SUSD4: variants seen among roughly 807,000 people sequenced by gnomAD.
SUSD4 encodes sushi domain containing 4.
SUSD4 carries 41 observed loss-of-function variants against 50.5 expected under a neutral mutation model. The ratio of observed to expected loss-of-function variants is 0.81; its 90% CI spans 0.63 to 1.05. The LOEUF is 1.05. Ranked by LOEUF, SUSD4 falls within the 50% of genes least tolerant of loss-of-function variation. The pLI, the probability that SUSD4 is intolerant of heterozygous loss-of-function variation, is 0.00. For synonymous variants in SUSD4, 257 were observed against 257.3 expected (o/e 1.00, Z 0.01); for missense variants, 580 against 634.7 (o/e 0.91, Z 0.93).
At chr1:223,298,541 C>A (rs1273799793) in intron 2 of SUSD4, among the ~76,000 whole-genome samples, 1 of 152,196 alleles carries the variant, frequency 6.6e-6, no homozygotes, top group Non-Finnish European at 1.5e-5. Flanking sequence ...CCCCAGCACA[C>A]ACTTTTTGGC....
intron 2 of SUSD4, among the ~76,000 whole-genome samples, chr1:223,347,084 G>A (rs1412729795): frequency 6.6e-6 from 1 of 151,688 alleles, no homozygotes; most frequent in Non-Finnish European, 1.5e-5. Flanking sequence ...ATTTTTGTGG[G>A]TACATAGCAG....
intron 2 of SUSD4, among the ~76,000 whole-genome samples, chr1:223,317,834 CTTTT>C (rs1235672082): frequency 5.0e-5 from 4 of 80,162 alleles, no homozygotes; most frequent in Non-Finnish European, 9.4e-5. Flanking sequence ...GCTTGCCCTT[CTTTT>C]TTTTTTTTTT....
chr1:223,235,653 T>C (rs1660172361), intron 5 of SUSD4, among the ~76,000 whole-genome samples: 1 of 152,038 alleles, frequency 6.6e-6, no homozygotes, highest in Non-Finnish European at 1.5e-5. Flanking sequence ...CATTTAGTAA[T>C]ATGCATTTGA....
At chr1:223,302,481 A>G (rs191517810) in intron 2 of SUSD4, among the ~76,000 whole-genome samples, 2 of 152,284 alleles carry the variant, frequency 1.3e-5, no homozygotes, top group African/African-American at 4.8e-5. Flanking sequence ...ACCAATGTCC[A>G]TCCTGACATT....
rs983930376 is a variant in SUSD4 at position 223,292,520 on chromosome 1, C to A, written c.280G>T (p.Ala94Ser). The change falls in exon 3 of 9, where the codon GCT becomes TCT. Residue 94 changes from alanine (A) to serine (S), a missense_variant. By Grantham distance (99) the Ala-to-Ser change is moderately conservative. Transcript: ENST00000366878. ...TGCTTCAAACACAGTCTCTTTGTAG[C>A]GCCCTTCAGCTTGAATCCGTCTTGG... Reference protein sequence around the residue: ...HCQDGFKLKGATKRLCLKHFN... With the variant: ...HCQDGFKLKGSTKRLCLKHFN... 2.5e-6 allele frequency: 4 copies of A among 1,614,142 alleles called. No homozygotes were observed. Among genetic ancestry groups the A allele is most frequent in the Non-Finnish European group, 3.4e-6 (4 of 1,180,000 alleles).
intron 2 of SUSD4, among the ~76,000 whole-genome samples, chr1:223,348,645 C>T (rs1366322559): frequency 6.6e-6 from 1 of 152,174 alleles, no homozygotes; most frequent in Admixed American, 6.5e-5. Flanking sequence ...CAGCACTGCC[C>T]ACTTTTTCTC....
At chr1:223,291,271 T>C (rs1664470307) in intron 3 of SUSD4, among the ~76,000 whole-genome samples, 1 of 151,924 alleles carries the variant, frequency 6.6e-6, no homozygotes, top group African/African-American at 2.4e-5. Context: ...GGCAGGTGGA[T>C]TGCATGAGCT....
chr1:223,246,675 A>T (rs2103033195), intron 5 of SUSD4, among the ~76,000 whole-genome samples: 1 of 152,178 alleles, frequency 6.6e-6, no homozygotes, highest in Admixed American at 6.5e-5. Context: ...GCCTCAGCAG[A>T]TCGGTGGCCA....
intron 2 of SUSD4, among the ~76,000 whole-genome samples, chr1:223,360,843 C>T (rs546404652): frequency 2.6e-5 from 4 of 152,322 alleles, no homozygotes; most frequent in Admixed American, 6.5e-5. Context: ...TGATTTTCAG[C>T]TCTGTGTATC....
intron 5 of SUSD4, among the ~76,000 whole-genome samples, chr1:223,246,878 C>G (rs1273803061): frequency 1.3e-5 from 2 of 152,124 alleles, no homozygotes; most frequent in Admixed American, 1.3e-4. Flanking sequence ...CAGTGTGTGC[C>G]TTGCAACTAT....
At chr1:223,326,040 C>G (rs1010468369) in intron 2 of SUSD4, among the ~76,000 whole-genome samples, 10 of 151,868 alleles carry the variant, frequency 6.6e-5, no homozygotes, top group African/African-American at 2.4e-4. Flanking sequence ...CATATGGTAC[C>G]AAAAAAGAGC....
At chr1:223,292,363 T>A in intron 3 of SUSD4, 76 bp downstream of exon 3, 1 of 1,525,886 alleles carries the variant, frequency 6.6e-7, no homozygotes, top group South Asian at 1.1e-5. Context: ...TATTGAGCTG[T>A]CACACAGCCC....
In SUSD4 at chr1:223,223,364, C is replaced by T; in HGVS notation, c.1329G>A (p.Leu443=). 1 of 1,613,538 alleles carries T rather than the reference C, an allele frequency of 6.2e-7. No individual in the cohort carries two copies. Among genetic ancestry groups the T allele is most frequent in the South Asian group, 1.1e-5 (1 of 90,968 alleles). Residue 443 remains leucine (L), a synonymous_variant, in exon 8 of 9, where the codon CTG becomes CTA. Transcript: ENST00000366878. ...VSGSSELLQS[L]YSPPRCQEST... ...TCTCTTGGCACCTGGGAGGTGAATA[C>T]AGACTTTGGAGCAGCTCAGAAGAGC...
At chr1:223,249,130 CAG>C (rs1661135524) in intron 5 of SUSD4, among the ~76,000 whole-genome samples, 1 of 152,192 alleles carries the variant, frequency 6.6e-6, no homozygotes, top group African/African-American at 2.4e-5. Context: ...TCTGTGGCGT[CAG>C]AGTGTTTTGA....
rs181390788 is a variant in SUSD4, at chr1:223,275,152, C to T, written c.362-6477G>A. 2.2e-4 allele frequency among the ~76,000 whole-genome samples: 34 copies of T among 152,268 alleles called. No individual in the cohort carries two copies. In the East Asian group the frequency reaches 4.8e-3, roughly 22 times the overall value. On this transcript the variant is annotated intron_variant, in intron 3 of 8. Transcript: ENST00000366878. ...GGCCTGGCAAGTAGAGAGTGCTTAA[C>T]GGAATTCTGGGGAGTGAACGACTAA...
At chr1:223,320,989 C>T (rs889318112) in intron 2 of SUSD4, among the ~76,000 whole-genome samples, 2 of 152,182 alleles carry the variant, frequency 1.3e-5, no homozygotes, top group Non-Finnish European at 2.9e-5. Context: ...CCTCTCATTC[C>T]ACATGTGGCA....
intron 2 of SUSD4, among the ~76,000 whole-genome samples, chr1:223,317,834 C>CTTTTTT (rs1235672082): frequency 2.7e-4 from 22 of 80,154 alleles, no homozygotes; most frequent in Non-Finnish European, 3.3e-4. Context: ...GCTTGCCCTT[C>CTTTTTT]TTTTTTTTTT....
At chr1:223,248,677 G>A (rs938362506) in intron 5 of SUSD4, among the ~76,000 whole-genome samples, 8 of 152,198 alleles carry the variant, frequency 5.3e-5, no homozygotes, top group African/African-American at 1.9e-4. Context: ...TGAGCAGGAT[G>A]GAGCATGGTG....
At chr1:223,302,291 G>C (rs2103183420) in intron 2 of SUSD4, among the ~76,000 whole-genome samples, 1 of 152,290 alleles carries the variant, frequency 6.6e-6, no homozygotes, top group South Asian at 2.1e-4. Flanking sequence ...CCAGTCTTAA[G>C]TATGTCTTTA....
Sources: allele counts gnomAD v4.1 joint callset (sites outside exome capture counted in the v4.1 genomes callset), GRCh38; gene constraint gnomAD v4.1.1; transcripts MANE v1.5; gene names NCBI Gene and HGNC (gene_info 2026-07-23, HGNC 2026-07-21).